The following FAT3 variants were observed in gnomAD, a reference collection of about 807,000 sequenced individuals.
FAT3 encodes the protein FAT atypical cadherin 3, also known as protocadherin Fat 3.
In FAT3, 95 loss-of-function variants were observed where a neutral mutation model predicts 310.2. The ratio of observed to expected loss-of-function variants is 0.31; its 90% CI spans 0.26 to 0.36. The LOEUF (loss-of-function observed/expected upper bound fraction) is 0.36, where lower values mean the gene tolerates loss of function less well. FAT3 is among the 10% of genes least tolerant of loss of function. The pLI is 1.00. For synonymous variants in FAT3, 2,314 were observed against 2,192.9 expected (o/e 1.06, Z -1.54); for missense variants, 5,408 against 5,715.6 (o/e 0.95, Z 1.74).
chr11:92,806,583 T>G, intron 12 of FAT3, 68 bp downstream of exon 12: 1 of 1,340,780 alleles, frequency 7.5e-7, no homozygotes, highest in African/African-American at 1.5e-5. Context: ...ACTTATGTGG[T>G]CTCATCACTA....
At chr11:92,449,224 G>T (rs930642237) in intron 2 of FAT3, among the ~76,000 whole-genome samples, 1 of 152,156 alleles carries the variant, frequency 6.6e-6, no homozygotes, top group Admixed American at 6.5e-5. Flanking sequence ...ACAGGCCAAA[G>T]AATTGTATTT....
At chr11:92,807,549 G>A (rs141438220) in intron 12 of FAT3, among the ~76,000 whole-genome samples, 7 of 152,230 alleles carry the variant, frequency 4.6e-5, no homozygotes, top group East Asian at 3.9e-4. Flanking sequence ...GTATATGCTC[G>A]TAACAGGTAT....
In FAT3 at chr11:92,599,069, GCT is replaced by G. The variant is rs1252714634; in HGVS notation, c.3607+74126_3607+74127del. 5.9e-5 allele frequency among the ~76,000 whole-genome samples: 9 copies of G among 152,140 alleles called. No individual in the cohort carries two copies. In the East Asian group the frequency reaches 1.7e-3, roughly 29 times the overall value. On this transcript the variant is annotated intron_variant, in intron 3 of 27. Coordinates refer to ENST00000525166, the MANE Select transcript of FAT3 (RefSeq NM_001367949.2). ...TGCATCAGATCTGGGGATAAGAACA[GCT>G]CTCTGCTATTTCTCAGCCTCTCTAA...
At chr11:92,331,656 G>A (rs1187341629) in intron 1 of FAT3, among the ~76,000 whole-genome samples, 2 of 152,062 alleles carry the variant, frequency 1.3e-5, no homozygotes, top group African/African-American at 4.8e-5. Flanking sequence ...TCTTGTCTTT[G>A]GCTTTGTGAA....
chr11:92,740,543 G>T (rs1295278716), intron 4 of FAT3, among the ~76,000 whole-genome samples: 1 of 152,154 alleles, frequency 6.6e-6, no homozygotes, highest in Non-Finnish European at 1.5e-5. Context: ...AACTTAAGCA[G>T]ATGAATGTTA....
intron 1 of FAT3, among the ~76,000 whole-genome samples, chr11:92,260,704 G>C (rs1398515597): frequency 6.6e-6 from 1 of 151,994 alleles, no homozygotes; most frequent in Non-Finnish European, 1.5e-5. Context: ...ATTATCACCT[G>C]GTCCCTTGTC....
rs115930449 is a variant in FAT3 at position 92,668,463 on chromosome 11, A to G, written c.3608-28921A>G. On this transcript the variant is annotated intron_variant, in intron 3 of 27. Transcript: ENST00000525166. ...TGGTTCCAATTCACATGGGCCTAACACTGTGTCACATCTTAGTAGAAAGAG... is the reference window on the plus strand; with the variant it reads ...TGGTTCCAATTCACATGGGCCTAACGCTGTGTCACATCTTAGTAGAAAGAG... Among the ~76,000 whole-genome samples the G allele has an allele frequency of 4.3e-3, 660 of 152,298 alleles. 4 individuals carry two copies. The highest frequency in any genetic ancestry group is 0.015 in the African/African-American group (627 of 41,560).
Position 92,754,711 on chromosome 11 carries a change from A to G in FAT3, c.3670-7145A>G, listed in dbSNP as rs1056788274. ...CTCTACTAAAAATACAAAAAAAAAA[A>G]AAAAAAATTAGCTGGGCGTGGTGGT... On this transcript the variant is annotated intron_variant, in intron 4 of 27. Coordinates refer to ENST00000525166, the MANE Select transcript of FAT3 (RefSeq NM_001367949.2). 2.6e-4 allele frequency among the ~76,000 whole-genome samples: 39 copies of G among 150,290 alleles called. 1 individual carries two copies. The highest frequency in any genetic ancestry group is 9.3e-4 in the Admixed American group (14 of 15,090).
At chr11:92,483,757 T>G in intron 2 of FAT3, among the ~76,000 whole-genome samples, 1 of 152,290 alleles carries the variant, frequency 6.6e-6, no homozygotes, top group Middle Eastern at 3.4e-3. Context: ...AATGAAAGTG[T>G]CAGATAACCT....
intron 10 of FAT3, among the ~76,000 whole-genome samples, chr11:92,802,649 G>T (rs2136192671): frequency 6.6e-6 from 1 of 152,084 alleles, no homozygotes; most frequent in African/African-American, 2.4e-5. Context: ...AGTGTGGGAA[G>T]GTTCTTCCTA....
chr11:92,819,603 A>T (rs1382063261), intron 13 of FAT3, among the ~76,000 whole-genome samples: 1 of 152,226 alleles, frequency 6.6e-6, no homozygotes, highest in East Asian at 1.9e-4. Context: ...TTTACATCTC[A>T]TAAAATAAAA....
chr11:92,830,004 A>G (rs1487313877), intron 13 of FAT3, among the ~76,000 whole-genome samples: 2 of 152,168 alleles, frequency 1.3e-5, no homozygotes, highest in Non-Finnish European at 2.9e-5. Context: ...ATAAGAAAAA[A>G]AAAATGTCTA....
chr11:92,579,434 A>T (rs1001830689), intron 3 of FAT3, among the ~76,000 whole-genome samples: 1 of 152,108 alleles, frequency 6.6e-6, no homozygotes, highest in Non-Finnish European at 1.5e-5. Flanking sequence ...CTATTGATTA[A>T]ATTTATGAAA....
intron 19 of FAT3, among the ~76,000 whole-genome samples, chr11:92,846,093 T>G (rs547338450): frequency 7.9e-5 from 12 of 152,344 alleles, no homozygotes; most frequent in Non-Finnish European, 1.8e-4. Context: ...GAATGCCAGC[T>G]GTCTGGGCCT....
In FAT3 at chr11:92,774,221, G is replaced by A. The variant is rs1421013316; in HGVS notation, c.4335+41G>A. The A allele has an allele frequency of 5.8e-6, 9 of 1,562,744 alleles. No homozygotes were observed. The South Asian group carries it at 1.1e-4, about 19-fold the overall frequency. ...ACTGAATAGCAGGAATGCTGAAAGA[G>A]CTGCCAAAGTCAGGGGTGCAAGCAA... On this transcript the variant is annotated intron_variant, in intron 7 of 27. Coordinates refer to ENST00000525166, the MANE Select transcript of FAT3 (RefSeq NM_001367949.2).
Position 92,323,499 on chromosome 11 carries a change from C to A in FAT3, c.-17-28597C>A, listed in dbSNP as rs191570127. On this transcript the variant is annotated intron_variant, in intron 1 of 27. Coordinates refer to ENST00000525166, the MANE Select transcript of FAT3 (RefSeq NM_001367949.2). ...AACTCCTAAGTTCAAGTGATCCCCC[C>A]ATGTTGACCTCCAAAAGTACTGGGA... Among the ~76,000 whole-genome samples the A allele has an allele frequency of 2.6e-5, 4 of 152,106 alleles. No individual in the cohort carries two copies. In the East Asian group the frequency reaches 7.7e-4, roughly 29 times the overall value.
rs1044481001 is a variant in FAT3 at position 92,648,084 on chromosome 11, G to C, written c.3608-49300G>C. ...GTGGTCAAGGAATGAAGACATTGGA[G>C]GCATAAGGTCTTCTTCTCTTCCTTC... On this transcript the variant is annotated intron_variant, in intron 3 of 27. Transcript: ENST00000525166. Among the ~76,000 whole-genome samples, 4 of 152,132 alleles carry C rather than the reference G, an allele frequency of 2.6e-5. No homozygotes were observed. In the East Asian group the frequency reaches 7.7e-4, roughly 29 times the overall value.
At chr11:92,474,092 A>G (rs1418544321) in intron 2 of FAT3, among the ~76,000 whole-genome samples, 2 of 152,160 alleles carry the variant, frequency 1.3e-5, no homozygotes, top group Admixed American at 1.3e-4. Flanking sequence ...TCTTCCTTTG[A>G]GAGGAAAGAG....
intron 3 of FAT3, among the ~76,000 whole-genome samples, chr11:92,687,197 C>T (rs938963409): frequency 6.6e-6 from 1 of 152,192 alleles, no homozygotes; most frequent in African/African-American, 2.4e-5. Flanking sequence ...GTACAAGCCA[C>T]TGTGCCAAGC....
Sources: allele counts gnomAD v4.1 joint callset (sites outside exome capture counted in the v4.1 genomes callset), GRCh38; gene constraint gnomAD v4.1.1; transcripts MANE v1.5; gene names NCBI Gene and HGNC (gene_info 2026-07-23, HGNC 2026-07-21).